The following OSTN variants were observed in gnomAD, a reference collection of about 807,000 sequenced individuals.
OSTN encodes osteocrin.
Under a neutral mutation model 12.0 loss-of-function variants are expected in OSTN, and 9 were observed. The ratio of observed to expected loss-of-function variants is 0.75; its 90% CI spans 0.45 to 1.30. The LOEUF (loss-of-function observed/expected upper bound fraction) is 1.30, where lower values mean the gene tolerates loss of function less well. Ranked by LOEUF, OSTN falls within the 50% of genes most tolerant of loss-of-function variation. OSTN has a pLI of 0.00. For synonymous variants in OSTN, 59 were observed against 56.9 expected, an observed-to-expected ratio of 1.04 and a Z score of -0.16; for missense variants, 148 against 152.3, an observed-to-expected ratio of 0.97 and a Z score of 0.15.
Position 191,225,579 on chromosome 3 carries a change from G to A in OSTN, c.317+6618G>A, listed in dbSNP as rs530820851. On this transcript the variant is annotated intron_variant, in intron 3 of 4. Coordinates refer to ENST00000682035, the MANE Select transcript of OSTN (RefSeq NM_198184.2). ...AGTAAAGTCATGGAATCACCTAAGT[G>A]TCCAATAATGGTGGACTGGATAAAG... is the stretch of plus-strand genomic sequence containing the variant. Among the ~76,000 whole-genome samples, 5 of 152,022 alleles carry A rather than the reference G, an allele frequency of 3.3e-5. No homozygotes were observed. The South Asian group carries it at 8.3e-4, about 25-fold the overall frequency.
chr3:191,248,515 C>A (rs899577274), intron 3 of OSTN, among the ~76,000 whole-genome samples: 4 of 152,106 alleles, frequency 2.6e-5, no homozygotes, highest in African/African-American at 4.8e-5. Flanking sequence ...TAGAAAAGAA[C>A]TAAAGAAGCT....
chr3:191,216,896 TC>T (rs1714626744), intron 2 of OSTN, among the ~76,000 whole-genome samples: 1 of 152,212 alleles, frequency 6.6e-6, no homozygotes, highest in Admixed American at 6.5e-5. Context: ...TCCCAACTGT[TC>T]CAACCTCTGC....
In OSTN at chr3:191,263,001, A is replaced by T. The variant is rs553447386; in HGVS notation, c.*148A>T. 1.6e-6 allele frequency: 1 copy of T among 641,938 alleles called. No homozygotes were observed. Among genetic ancestry groups the T allele is most frequent in the African/African-American group, 1.8e-5 (1 of 55,922 alleles). The allele number at this position is 641,938 out of a possible 1,614,324, so 39.8% of individuals were successfully genotyped here. On this transcript the variant is annotated 3_prime_UTR_variant, in exon 5 of 5. Coordinates refer to ENST00000682035, the MANE Select transcript of OSTN (RefSeq NM_198184.2). The stretch of plus-strand genomic sequence containing the variant: ...TCCAAAGCTTGAACTTCAGTCCATC[A>T]CATTACAGCATTGTTACAGCTTCAA...
At chr3:191,218,702 GTC>G in intron 2 of OSTN, 43 bp from the exon 3 acceptor site, 1 of 1,510,270 alleles carries the variant, frequency 6.6e-7, no homozygotes, top group Middle Eastern at 1.7e-4. Context: ...CATACTTGGA[GTC>G]TCTTTGTCTA....
Position 191,263,153 on chromosome 3 carries a change from A to G in OSTN, c.*300A>G. On this transcript the variant is annotated 3_prime_UTR_variant, in exon 5 of 5. Transcript: ENST00000682035. ...ATAATTAAATACACAATACAGTGAA[A>G]TGCCTTCTGTATGGATTTACCATGC... 2.9e-6 allele frequency: 1 copy of G among 349,048 alleles called. No homozygotes were observed. Among genetic ancestry groups the G allele is most frequent in the Admixed American group, 4.4e-5 (1 of 22,652 alleles). 21.6% of individuals were successfully genotyped at this position (349,048 alleles called of 1,614,324 possible).
chr3:191,248,736 A>G (rs1715492870), intron 3 of OSTN, among the ~76,000 whole-genome samples: 1 of 152,146 alleles, frequency 6.6e-6, no homozygotes, highest in South Asian at 2.1e-4. Context: ...GCTTGTGCTC[A>G]GGAGTTTGAA....
chr3:191,212,529 T>G lies in OSTN; in HGVS notation c.1-4T>G, dbSNP rs994832047. On this transcript the variant is annotated splice_region_variant and splice_polypyrimidine_tract_variant and intron_variant, in intron 1 of 4. Coordinates refer to ENST00000682035, the MANE Select transcript of OSTN (RefSeq NM_198184.2). ...ATGCTAACTATGACATATGTAACCC[T>G]TAGATGCTGGACTGGAGATTGGCAA... is the stretch of plus-strand genomic sequence containing the variant. 1.3e-6 allele frequency: 2 copies of G among 1,568,190 alleles called. No homozygotes were observed. The highest frequency in any genetic ancestry group is 3.4e-5 in the Admixed American group (2 of 58,588).
At chr3:191,258,705 C>T (rs973549255) in intron 4 of OSTN, among the ~76,000 whole-genome samples, 1 of 151,506 alleles carries the variant, frequency 6.6e-6, no homozygotes, top group Non-Finnish European at 1.5e-5. Flanking sequence ...CAGGTACCCC[C>T]AAAAGAGGAA....
intron 3 of OSTN, among the ~76,000 whole-genome samples, chr3:191,230,337 G>A (rs1344866308): frequency 4.0e-5 from 6 of 151,682 alleles, no homozygotes; most frequent in Admixed American, 1.3e-4. Context: ...AGGCAGAGGC[G>A]GGCAGATCAC....
At chr3:191,256,357 G>A (rs193069265) in intron 4 of OSTN, among the ~76,000 whole-genome samples, 56 of 152,156 alleles carry the variant, frequency 3.7e-4, no homozygotes, top group Middle Eastern at 3.4e-3. Context: ...TCCACGGGCT[G>A]TAATATTTAA....
intron 1 of OSTN, 50 bp from the exon 2 acceptor site, chr3:191,212,483 C>A: frequency 7.8e-7 from 1 of 1,277,978 alleles, no homozygotes; most frequent in Non-Finnish European, 1.1e-6. Context: ...TGTTTTTTGT[C>A]TTTACATTCC....
intron 1 of OSTN, among the ~76,000 whole-genome samples, chr3:191,209,487 T>C (rs1714365209): frequency 6.6e-6 from 1 of 152,224 alleles, no homozygotes; most frequent in Non-Finnish European, 1.5e-5. Flanking sequence ...TATTGCTCCC[T>C]TCTAGAAAAG....
intron 3 of OSTN, among the ~76,000 whole-genome samples, chr3:191,231,265 T>C (rs1186388054): frequency 6.6e-6 from 1 of 152,104 alleles, no homozygotes; most frequent in Non-Finnish European, 1.5e-5. Flanking sequence ...CAGACTTATT[T>C]TGAGGTGTAA....
At position 191,218,881 on chromosome 3, in the gene OSTN, G is replaced by C. The variant is rs1371882140; in HGVS notation, c.237G>C (p.Lys79Asn). ...VSLENDVIETKKKRSFSGFGS... is the reference protein window; with the variant it reads ...VSLENDVIETNKKRSFSGFGS... The stretch of plus-strand genomic sequence containing the variant: ...TAGAAAATGATGTGATTGAGACAAA[G>C]AAGAAAAGGAGTTTCTCTGGTTTTG... The change falls in exon 3 of 5, where the codon AAG becomes AAC. Residue 79 changes from lysine to asparagine, a missense_variant. Physicochemically the swap from Lys to Asn is moderately conservative, Grantham distance 94 (BLOSUM62 0). Transcript: ENST00000682035. 6.2e-7 allele frequency: 1 copy of C among 1,614,092 alleles called. No homozygotes were observed. The highest frequency in any genetic ancestry group is 8.5e-7 in the Non-Finnish European group (1 of 1,179,976).
At chr3:191,222,498 C>T (rs1020651193) in intron 3 of OSTN, among the ~76,000 whole-genome samples, 2 of 152,146 alleles carry the variant, frequency 1.3e-5, no homozygotes, top group Non-Finnish European at 2.9e-5. Flanking sequence ...CAATGCCTGT[C>T]CCCCCACATT....
At chr3:191,220,920 T>C (rs1010926399) in intron 3 of OSTN, among the ~76,000 whole-genome samples, 2 of 152,262 alleles carry the variant, frequency 1.3e-5, no homozygotes, top group Non-Finnish European at 1.5e-5. Flanking sequence ...CCACATGATA[T>C]GGTTTGGCTG....
intron 4 of OSTN, among the ~76,000 whole-genome samples, chr3:191,251,706 G>A (rs1439124793): frequency 6.6e-6 from 1 of 152,152 alleles, no homozygotes; most frequent in East Asian, 1.9e-4. Context: ...AGAACTTACT[G>A]AATACTGCCA....
chr3:191,244,870 C>T (rs1715395555), intron 3 of OSTN, among the ~76,000 whole-genome samples: 2 of 151,830 alleles, frequency 1.3e-5, no homozygotes, highest in Non-Finnish European at 1.5e-5. Context: ...AACCAATCCA[C>T]AATTTGATAA....
intron 3 of OSTN, among the ~76,000 whole-genome samples, chr3:191,231,175 A>C (rs190783130): frequency 2.0e-5 from 3 of 152,322 alleles, no homozygotes; most frequent in African/African-American, 7.2e-5. Flanking sequence ...TTCCAGAAGT[A>C]GAAAACAATG....
Sources: gnomAD v4.1 joint callset for allele counts (sites outside exome capture counted in the v4.1 genomes callset) on GRCh38, gnomAD v4.1.1 for gene constraint, MANE v1.5 for transcripts, NCBI Gene and HGNC (gene_info 2026-07-23, HGNC 2026-07-21) for gene names.